ZNF99: variants seen among roughly 807,000 people sequenced by gnomAD.
The protein encoded by ZNF99 is zinc finger protein ENSP00000375192.
A neutral mutation model predicts 12.8 loss-of-function variants in ZNF99; 8 were observed. The observed-to-expected ratio is 0.62, with a 90% CI of 0.37 to 1.13. The LOEUF (loss-of-function observed/expected upper bound fraction) is 1.13. ZNF99 is among the 50% of genes most tolerant of loss of function. ZNF99 has a pLI of 0.02. For synonymous variants in ZNF99, 318 were observed against 319.0 expected (o/e 1.00, Z 0.03); for missense variants, 1,007 against 1,006.2 (o/e 1.00, Z -0.01).
chr19:22,756,209 G>C lies in ZNF99; in HGVS notation c.*1105C>G, dbSNP rs1297488017. 9.0e-6 allele frequency: 14 copies of C among 1,560,424 alleles called. No homozygotes were observed. Among genetic ancestry groups the C allele is most frequent in the Admixed American group, 1.7e-5 (1 of 57,202 alleles). On this transcript the variant is annotated 3_prime_UTR_variant, in exon 4 of 4. Coordinates refer to ENST00000596209, the MANE Select transcript of ZNF99 (RefSeq NM_001080409.3). ...TTTGACACATTCTTCACATTTTTAG[G>C]GCTTCTCCCCAGTATGAATTATCTT...
rs528137736 is a variant in ZNF99, at chr19:22,753,160, T to C, written c.*4154A>G. 8 of 152,218 alleles carry C rather than the reference T, an allele frequency of 5.3e-5. No individual in the cohort carries two copies. Among genetic ancestry groups the C allele is most frequent in the African/African-American group, 1.9e-4 (8 of 41,564 alleles). 9.4% of individuals were successfully genotyped at this position (152,218 alleles called of 1,614,324 possible). ...TTTCAGAGTCTGTAATTTTTTTCAA[T>C]ATTGTGATGTTAATTTTTTTGATAT... is the stretch of plus-strand genomic sequence containing the variant. On this transcript the variant is annotated 3_prime_UTR_variant, in exon 4 of 4. Coordinates refer to ENST00000596209, the MANE Select transcript of ZNF99 (RefSeq NM_001080409.3).
intron 2 of ZNF99, among the ~76,000 whole-genome samples, chr19:22,768,875 C>T (rs1973233755): frequency 6.6e-6 from 1 of 151,814 alleles, no homozygotes; most frequent in Admixed American, 6.6e-5. Flanking sequence ...GCTAAAAATA[C>T]AAAATTAGCC....
At chr19:22,760,283 ACT>A (rs530542041) in intron 3 of ZNF99, among the ~76,000 whole-genome samples, 240 of 152,192 alleles carry the variant, frequency 1.6e-3, no homozygotes, top group Middle Eastern at 3.4e-3. Context: ...ACACAGTGAG[ACT>A]CTGTCTCAAA....
rs747346221 is a variant in ZNF99, at chr19:22,755,633, A to G, written c.*1681T>C. 10 of 276,910 alleles carry G rather than the reference A, an allele frequency of 3.6e-5. No homozygotes were observed. Among genetic ancestry groups the G allele is most frequent in the Non-Finnish European group, 6.6e-5 (9 of 135,548 alleles). 17.2% of individuals were successfully genotyped at this position (276,910 alleles called of 1,614,324 possible). ...TTTAAATTTGTAGTGTTCCTCTCCA[A>G]GATAAATTATTTTATGTTGAGTAAA... On this transcript the variant is annotated 3_prime_UTR_variant, in exon 4 of 4. Transcript: ENST00000596209.
intron 1 of ZNF99, among the ~76,000 whole-genome samples, chr19:22,779,884 GAATTC>G (rs1568388879): frequency 6.6e-6 from 1 of 152,094 alleles, no homozygotes; most frequent in Non-Finnish European, 1.5e-5. Flanking sequence ...TACCCTTTTG[GAATTC>G]AATTCTTTTT....
At position 22,756,601 on chromosome 19, in the gene ZNF99, T is replaced by A. The variant is rs1754962110; in HGVS notation, c.*713A>T. ...AAGGTGTGAGGATTGCTTAAAAGCT[T>A]TGCCACATTCTTCACATTTGTACGG... is the stretch of plus-strand genomic sequence containing the variant. On this transcript the variant is annotated 3_prime_UTR_variant, in exon 4 of 4. Coordinates refer to ENST00000596209, the MANE Select transcript of ZNF99 (RefSeq NM_001080409.3). The A allele has an allele frequency of 6.2e-7, 1 of 1,600,326 alleles. No homozygotes were observed.
Position 22,758,475 on chromosome 19 carries a change from C to T in ZNF99, c.1434G>A (p.Glu478=). The T allele has an allele frequency of 6.2e-7, 1 of 1,613,384 alleles. No homozygotes were observed. Among genetic ancestry groups the T allele is most frequent in the South Asian group, 1.1e-5 (1 of 91,046 alleles). ...CACATTCTTCACATTTGTAGGGTTT[C>T]TCTCCAGTATGAATTATCTCATGTT... ...LRKHEIIHTG[E]KPYKCEECGK... is the part of the protein sequence containing the mutation. The change falls in exon 4 of 4, where the codon GAG becomes GAA. Residue 478 remains glutamate, a synonymous_variant. Coordinates refer to ENST00000596209, the MANE Select transcript of ZNF99 (RefSeq NM_001080409.3).
In ZNF99 at chr19:22,758,616, G is replaced by C; in HGVS notation, c.1293C>G (p.Gly431=). ...GGGCTGAGAAACGCTTAAAAGCTTT[G>C]CCACATTCTTCACATTTGCAGGGTT... The part of the protein sequence containing the change: ...AEKPCKCEEC[G]KAFKRFSALR... The change falls in exon 4 of 4, where the codon GGC becomes GGG. Residue 431 remains glycine, a synonymous_variant. Transcript: ENST00000596209. The C allele has an allele frequency of 1.2e-6, 2 of 1,612,950 alleles. No homozygotes were observed. Among genetic ancestry groups the C allele is most frequent in the Non-Finnish European group, 1.7e-6 (2 of 1,179,680 alleles).
rs375203401 is a variant in ZNF99 at position 22,756,709 on chromosome 19, G to A, written c.*605C>T. The A allele has an allele frequency of 3.4e-6, 5 of 1,477,006 alleles. No individual in the cohort carries two copies. Among genetic ancestry groups the A allele is most frequent in the East Asian group, 5.2e-5 (2 of 38,598 alleles). The allele number at this position is 1,477,006 out of a possible 1,614,324, so 91.5% of individuals were successfully genotyped here. ...TTTGCCACATTCTTCACATTTGTAC[G>A]GTTTCTCCCCAGTATGAATTATCTT... On this transcript the variant is annotated 3_prime_UTR_variant, in exon 4 of 4. Transcript: ENST00000596209.
At position 22,757,380 on chromosome 19, in the gene ZNF99, G is replaced by T. The variant is rs767986388; in HGVS notation, c.2529C>A (p.Asn843Lys). The change falls in exon 4 of 4, where the codon AAC (asparagine) becomes AAA (lysine). Residue 843 changes from asparagine to lysine, a missense_variant. Asn to Lys is a moderately conservative substitution (Grantham distance 94). Transcript: ENST00000596209. ...TLHKVIHMER[N>K]PANVKNVAKL... ...TTGCCACATTCTTCACATTTGCAGGGTTTCTCTCCATATGAATTACCTTAT... is the reference window on the plus strand; with the variant it reads ...TTGCCACATTCTTCACATTTGCAGGTTTTCTCTCCATATGAATTACCTTAT... 3 of 1,608,224 alleles carry T rather than the reference G, an allele frequency of 1.9e-6. No homozygotes were observed. The African/African-American group carries it at 4.1e-5, about 22-fold the overall frequency.
At chr19:22,782,353 ACTTTTTTTTTT>A (rs891200458) in intron 1 of ZNF99, among the ~76,000 whole-genome samples, 12 of 142,190 alleles carry the variant, frequency 8.4e-5, no homozygotes, top group Admixed American at 2.8e-4. Flanking sequence ...CCTGATATCT[ACTTTTTTTTTT>A]CTTTTTTTTT....
At chr19:22,777,679 C>T (rs1204035559) in intron 1 of ZNF99, among the ~76,000 whole-genome samples, 3 of 152,066 alleles carry the variant, frequency 2.0e-5, no homozygotes, top group Non-Finnish European at 4.4e-5. Context: ...ACAGGTTGTC[C>T]AGAACCTCAT....
Position 22,755,072 on chromosome 19 carries a change from T to TC in ZNF99, c.*2241dup, listed in dbSNP as rs1555732229. 1 of 38,984 alleles carries TC rather than the reference T, an allele frequency of 2.6e-5. No individual in the cohort carries two copies. The highest frequency in any genetic ancestry group is 8.7e-4 in the East Asian group (1 of 1,150). 2.4% of individuals were successfully genotyped at this position (38,984 alleles called of 1,614,324 possible). ...TGGGCAACTAGGGCGAAACTCTGTT[T>TC]CAAAAAAAAAAAAAAAAAAATTGAA... On this transcript the variant is annotated 3_prime_UTR_variant, in exon 4 of 4. Transcript: ENST00000596209.
intron 3 of ZNF99, among the ~76,000 whole-genome samples, chr19:22,762,538 A>T (rs1973161221): frequency 6.6e-6 from 1 of 152,182 alleles, no homozygotes; most frequent in Non-Finnish European, 1.5e-5. Context: ...GACAGTATGC[A>T]GCAGAATTCT....
At chr19:22,782,912 C>CCCGCCTCGG (rs77936288) in intron 1 of ZNF99, among the ~76,000 whole-genome samples, 28,931 of 151,530 alleles carry the variant, frequency 0.19, 3,656 homozygotes, top group African/African-American at 0.37. Flanking sequence ...TCGTGATTCA[C>CCCGCCTCGG]CCGCCTCGGC....
Position 22,778,867 on chromosome 19 carries a change from C to T in ZNF99, c.3+5147G>A, listed in dbSNP as rs567330645. 4.6e-5 allele frequency among the ~76,000 whole-genome samples: 7 copies of T among 151,968 alleles called. No individual in the cohort carries two copies. The East Asian group carries it at 1.2e-3, about 25-fold the overall frequency. Reference sequence around the variant, plus strand: ...TAAAAATACAAAAAAATTAGCTGGGCGTGGTGGTGCCTGCCTGTAATCCCA... The same window carrying T: ...TAAAAATACAAAAAAATTAGCTGGGTGTGGTGGTGCCTGCCTGTAATCCCA... On this transcript the variant is annotated intron_variant, in intron 1 of 3. Coordinates refer to ENST00000596209, the MANE Select transcript of ZNF99 (RefSeq NM_001080409.3).
At position 22,755,281 on chromosome 19, in the gene ZNF99, C is replaced by A; in HGVS notation, c.*2033G>T. On this transcript the variant is annotated 3_prime_UTR_variant, in exon 4 of 4. Transcript: ENST00000596209. ...ATTAAAAGCATTGCCACATTCTTCA[C>A]ATTTCTAGAGTTTGTCTTCAGTATC... 3.9e-6 allele frequency: 1 copy of A among 258,038 alleles called. No individual in the cohort carries two copies. The highest frequency in any genetic ancestry group is 8.0e-6 in the Non-Finnish European group (1 of 124,586). 16.0% of individuals were successfully genotyped at this position (258,038 alleles called of 1,614,324 possible).
chr19:22,769,980 C>G (rs372011582), intron 1 of ZNF99: 15 of 1,360,458 alleles, frequency 1.1e-5, no homozygotes, highest in Admixed American at 2.0e-5. Flanking sequence ...ACCAAAAAGA[C>G]ATGTTGAGTT....
Position 22,759,527 on chromosome 19 carries a change from C to G in ZNF99, c.382G>C (p.Glu128Gln), listed in dbSNP as rs1415248772. The change falls in exon 4 of 4, where the codon GAA becomes CAA. Residue 128 changes from glutamate (E) to glutamine (Q), a missense_variant. By Grantham distance (29) the Glu-to-Gln change is conservative (BLOSUM62 2). Transcript: ENST00000596209. Reference protein sequence around the residue: ...ESVNEGKMHEEAYNKLNQCWT... With the variant: ...ESVNEGKMHEQAYNKLNQCWT... The stretch of plus-strand genomic sequence containing the variant: ...CATTGGTTAAGTTTATTATAAGCTT[C>G]TTCGTGCATCTTACCCTCATTGACA... 6.2e-7 allele frequency: 1 copy of G among 1,610,582 alleles called. No individual in the cohort carries two copies. The highest frequency in any genetic ancestry group is 2.2e-5 in the East Asian group (1 of 44,778).
Sources: allele counts gnomAD v4.1 joint callset (sites outside exome capture counted in the v4.1 genomes callset), GRCh38; gene constraint gnomAD v4.1.1; transcripts MANE v1.5; gene names NCBI Gene and HGNC (gene_info 2026-07-23, HGNC 2026-07-21).